DIS3L2: variants seen among roughly 807,000 people sequenced by gnomAD.
The protein encoded by DIS3L2 is DIS3-like exonuclease 2.
Under a neutral mutation model 97.5 loss-of-function variants are expected in DIS3L2, and 34 were observed. That is an observed-to-expected ratio of 0.35 (90% CI 0.27 to 0.46). The LOEUF (loss-of-function observed/expected upper bound fraction) is 0.46, where lower values mean the gene tolerates loss of function less well. DIS3L2 is among the 20% of genes least tolerant of loss of function. The pLI is 1.00. For synonymous variants in DIS3L2, 435 were observed against 445.2 expected (o/e 0.98, Z 0.29); for missense variants, 1,038 against 1,146.0 (o/e 0.91, Z 1.36).
At position 232,336,494 on chromosome 2, in the gene DIS3L2, A is replaced by G; in HGVS notation, c.2522A>G (p.Glu841Gly). The change falls in exon 21 of 21, where the codon GAG becomes GGG. Residue 841 changes from glutamate to glycine, a missense_variant. By Grantham distance (98) the Glu-to-Gly change is moderately conservative (BLOSUM62 -2). Coordinates refer to ENST00000325385, the MANE Select transcript of DIS3L2 (RefSeq NM_152383.5). ...GTCATCACCATCTTCAGCCTGGTGG[A>G]GGTGGTCCTGCAGGCAGAGTCCACA... ...QQVITIFSLV[E>G]VVLQAESTAL... 6.2e-7 allele frequency: 1 copy of G among 1,611,432 alleles called. No homozygotes were observed. The highest frequency in any genetic ancestry group is 8.5e-7 in the Non-Finnish European group (1 of 1,179,684).
intron 3 of DIS3L2, among the ~76,000 whole-genome samples, chr2:232,023,900 AG>A (rs34486405): frequency 0.21 from 32,469 of 152,092 alleles, 5,669 homozygotes; most frequent in African/African-American, 0.48. Flanking sequence ...GAGAAAAAAA[AG>A]GCCTTTATAT....
chr2:232,126,193 T>C (rs1219439090), intron 6 of DIS3L2, among the ~76,000 whole-genome samples: 2 of 152,232 alleles, frequency 1.3e-5, no homozygotes, highest in African/African-American at 2.4e-5. Context: ...ACATGTGTGA[T>C]ATATAGCTCT....
intron 1 of DIS3L2, among the ~76,000 whole-genome samples, chr2:231,975,713 A>G (rs1345989563): frequency 6.6e-6 from 1 of 150,854 alleles, no homozygotes; most frequent in Non-Finnish European, 1.5e-5. Flanking sequence ...TCAAAAAAAA[A>G]AAAAAAAAAA....
intron 14 of DIS3L2, chr2:232,307,506 A>AG (rs1396002738): frequency 6.9e-6 from 1 of 144,582 alleles, no homozygotes; most frequent in African/African-American, 2.8e-5. Context: ...CACTTACATC[A>AG]GTTTTTTTTT....
At chr2:232,297,681 T>C (rs934406838) in intron 13 of DIS3L2, among the ~76,000 whole-genome samples, 11 of 151,266 alleles carry the variant, frequency 7.3e-5, no homozygotes, top group Non-Finnish European at 1.5e-4. Context: ...TGTTGCTGTT[T>C]AGGTATGTTC....
intron 8 of DIS3L2, among the ~76,000 whole-genome samples, chr2:232,156,954 T>G (rs756489118): frequency 1.6e-4 from 24 of 152,218 alleles, no homozygotes; most frequent in Non-Finnish European, 3.4e-4. Context: ...AGAAACTGTG[T>G]TTTATATGTT....
At chr2:232,099,764 T>G (rs1697139179) in intron 6 of DIS3L2, among the ~76,000 whole-genome samples, 1 of 152,200 alleles carries the variant, frequency 6.6e-6, no homozygotes, top group African/African-American at 2.4e-5. Flanking sequence ...TACTAATTGG[T>G]CTGTTCAGAT....
At chr2:232,112,959 C>G (rs898965991) in intron 6 of DIS3L2, among the ~76,000 whole-genome samples, 5 of 151,806 alleles carry the variant, frequency 3.3e-5, no homozygotes, top group African/African-American at 1.2e-4. Flanking sequence ...AGAGTAATAC[C>G]TATAGTGGGA....
intron 9 of DIS3L2, among the ~76,000 whole-genome samples, chr2:232,168,989 A>T (rs2106169289): frequency 6.6e-6 from 1 of 152,296 alleles, no homozygotes; most frequent in East Asian, 1.9e-4. Context: ...AAATAGATGT[A>T]TTCACTGCCC....
At chr2:232,042,622 G>T (rs1695141036) in intron 5 of DIS3L2, among the ~76,000 whole-genome samples, 1 of 152,086 alleles carries the variant, frequency 6.6e-6, no homozygotes, top group African/African-American at 2.4e-5. Context: ...CTTCATTACT[G>T]CCAGCTCTGC....
chr2:232,109,950 A>G (rs1463829774), intron 6 of DIS3L2, among the ~76,000 whole-genome samples: 3 of 152,228 alleles, frequency 2.0e-5, no homozygotes, highest in Non-Finnish European at 4.4e-5. Flanking sequence ...ATGTTTGCAA[A>G]CTATCCATCT....
At chr2:232,019,140 C>G (rs865990530) in intron 3 of DIS3L2, among the ~76,000 whole-genome samples, 1 of 152,150 alleles carries the variant, frequency 6.6e-6, no homozygotes, top group Non-Finnish European at 1.5e-5. Context: ...GTCATGATGT[C>G]GGAGTTCCTC....
chr2:231,979,005 T>C (rs1254073015), intron 1 of DIS3L2, among the ~76,000 whole-genome samples: 2 of 152,218 alleles, frequency 1.3e-5, no homozygotes, highest in African/African-American at 4.8e-5. Context: ...GACTCCTATG[T>C]GTTAGAAATA....
At chr2:232,236,439 C>T (rs189572995) in intron 10 of DIS3L2, among the ~76,000 whole-genome samples, 28 of 152,280 alleles carry the variant, frequency 1.8e-4, no homozygotes, top group Admixed American at 1.0e-3. Flanking sequence ...CTGCCAAGTC[C>T]ACAGGTAGAC....
At position 232,279,746 on chromosome 2, in the gene DIS3L2, G is replaced by T. The variant is rs540441019; in HGVS notation, c.1659+16306G>T. Among the ~76,000 whole-genome samples the T allele has an allele frequency of 2.8e-3, 430 of 152,160 alleles. 1 individual carries two copies. The highest frequency in any genetic ancestry group is 4.7e-3 in the Non-Finnish European group (318 of 68,010). On this transcript the variant is annotated intron_variant, in intron 13 of 20. Transcript: ENST00000325385. ...AGGTTTCACTATGTTGGCCAGGCTT[G>T]TCTCAAACTCCTGACCTCGTGATCT...
rs913088688 is a variant in DIS3L2 at position 232,325,541 on chromosome 2, G to A, written c.1740-4272G>A. Reference sequence around the variant, plus strand: ...AGGCCCAGAACCAGGGAGGAGAGGTGCTGGGAGTGAGTGCCGAGGAGCTGG... The same window carrying A: ...AGGCCCAGAACCAGGGAGGAGAGGTACTGGGAGTGAGTGCCGAGGAGCTGG... On this transcript the variant is annotated intron_variant, in intron 14 of 20. Transcript: ENST00000325385. The surrounding 1 kb of genome is among the most constrained non-coding windows in gnomAD (Gnocchi z 4.6). 6.6e-6 allele frequency among the ~76,000 whole-genome samples: 1 copy of A among 152,158 alleles called. No homozygotes were observed. The highest frequency in any genetic ancestry group is 2.1e-4 in the South Asian group (1 of 4,832).
In DIS3L2 at chr2:232,020,103, G is replaced by A. The variant is rs548983083; in HGVS notation, c.211-4174G>A. 1.3e-5 allele frequency among the ~76,000 whole-genome samples: 2 copies of A among 152,222 alleles called. 1 individual carries two copies. Among genetic ancestry groups the A allele is most frequent in the South Asian group, 4.1e-4 (2 of 4,828 alleles). On this transcript the variant is annotated intron_variant, in intron 3 of 20. Transcript: ENST00000325385. Reference sequence around the variant, plus strand: ...TGAGAAGGAAGCCTGTTGGAACATTGTGAGCAAAGGGAGTTATATTATGGG... The same window carrying A: ...TGAGAAGGAAGCCTGTTGGAACATTATGAGCAAAGGGAGTTATATTATGGG...
At chr2:232,336,201 T>G in intron 20 of DIS3L2, 1 of 1,533,640 alleles carries the variant, frequency 6.5e-7, no homozygotes, top group Non-Finnish European at 8.8e-7. Context: ...TCTGGAACCG[T>G]TTTCACCAAC....
intron 6 of DIS3L2, among the ~76,000 whole-genome samples, chr2:232,106,045 C>G (rs1697349739): frequency 2.0e-5 from 3 of 152,062 alleles, no homozygotes; most frequent in African/African-American, 7.2e-5. Flanking sequence ...TCCTTACTTC[C>G]TTTTCCATGC....
Sources: allele counts gnomAD v4.1 joint callset (sites outside exome capture counted in the v4.1 genomes callset), GRCh38; gene constraint gnomAD v4.1.1; non-coding constraint Gnocchi (gnomAD v3.1); transcripts MANE v1.5; gene names NCBI Gene and HGNC (gene_info 2026-07-23, HGNC 2026-07-21).